The following ATP2C2 variants were observed in gnomAD, a reference collection of about 807,000 sequenced individuals.
ATP2C2 encodes the protein calcium-transporting ATPase type 2C member 2.
A neutral mutation model predicts 110.8 loss-of-function variants in ATP2C2; 171 were observed. The observed-to-expected ratio is 1.54, with a 90% CI of 1.36 to 1.75. The LOEUF (loss-of-function observed/expected upper bound fraction) is 1.75. ATP2C2 is among the 40% of genes most tolerant of loss of function. The probability of loss-of-function intolerance (pLI) is 0.00; values close to 1 mark genes in which losing one functional copy is unlikely to be tolerated. For synonymous variants in ATP2C2, 804 were observed against 508.4 expected, an observed-to-expected ratio of 1.58 and a Z score of -7.82; for missense variants, 1,963 against 1,235.0, an observed-to-expected ratio of 1.59 and a Z score of -8.84.
intron 16 of ATP2C2, among the ~76,000 whole-genome samples, chr16:84,446,786 A>T (rs1909790872): frequency 6.6e-6 from 1 of 152,112 alleles, no homozygotes; most frequent in South Asian, 2.1e-4. Flanking sequence ...TGCAGGTGCA[A>T]ATGTTGAGAT....
chr16:84,407,781 T>C (rs761704285), intron 3 of ATP2C2, among the ~76,000 whole-genome samples: 10 of 152,218 alleles, frequency 6.6e-5, no homozygotes, highest in East Asian at 3.9e-4. Context: ...CTTGTTGATA[T>C]TGTAACTCTC....
In ATP2C2 at chr16:84,411,387, G is replaced by A. The variant is rs977819953; in HGVS notation, c.515+622G>A. Among the ~76,000 whole-genome samples, 11 of 152,208 alleles carry A rather than the reference G, an allele frequency of 7.2e-5. 1 individual carries two copies. The highest frequency in any genetic ancestry group is 5.2e-4 in the Admixed American group (8 of 15,282). On this transcript the variant is annotated intron_variant, in intron 6 of 26. Coordinates refer to ENST00000262429, the MANE Select transcript of ATP2C2 (RefSeq NM_014861.4). ...AGCGTAGCCCTGTGTGATAGAACTT[G>A]CAGGAAATGTTCTATTAATATCATC... is the stretch of plus-strand genomic sequence containing the variant.
At chr16:84,420,133 G>A (rs1270342895) in intron 7 of ATP2C2, among the ~76,000 whole-genome samples, 4 of 152,026 alleles carry the variant, frequency 2.6e-5, no homozygotes, top group Non-Finnish European at 5.9e-5. Context: ...CTCCTCCCAG[G>A]CCTTTCCCCA....
At chr16:84,408,108 C>T (rs189218017) in intron 3 of ATP2C2, among the ~76,000 whole-genome samples, 118 of 152,262 alleles carry the variant, frequency 7.7e-4, no homozygotes, top group Admixed American at 1.4e-3. Flanking sequence ...TGCCGAAAGT[C>T]CCGGCCTGGA....
chr16:84,427,222 A>T (rs952846058), intron 11 of ATP2C2, among the ~76,000 whole-genome samples: 6 of 152,196 alleles, frequency 3.9e-5, no homozygotes, highest in Admixed American at 1.3e-4. Context: ...TTAATACATC[A>T]AACCCATGAT....
chr16:84,421,805 G>A (rs2150544012), intron 7 of ATP2C2, among the ~76,000 whole-genome samples: 1 of 152,334 alleles, frequency 6.6e-6, no homozygotes, highest in South Asian at 2.1e-4. Flanking sequence ...GGGGAAGATA[G>A]TAGAGTCTTC....
At chr16:84,375,046 T>C (rs1222708529) in intron 1 of ATP2C2, among the ~76,000 whole-genome samples, 1 of 152,198 alleles carries the variant, frequency 6.6e-6, no homozygotes, top group Non-Finnish European at 1.5e-5. Context: ...ACTTGTCTCA[T>C]ATCAGATACA....
intron 7 of ATP2C2, 130 bp downstream of exon 7, chr16:84,415,721 A>C: frequency 1.4e-6 from 1 of 691,914 alleles, no homozygotes; most frequent in South Asian, 1.9e-5. Context: ...ACATGCATAC[A>C]CACAAGACAG....
rs571639618 is a variant in ATP2C2, at chr16:84,415,948, C to T, written c.624+357C>T. Among the ~76,000 whole-genome samples the T allele has an allele frequency of 3.9e-5, 6 of 152,252 alleles. No homozygotes were observed. The South Asian group carries it at 8.3e-4, about 21-fold the overall frequency. The stretch of plus-strand genomic sequence containing the variant: ...TGTTAGAAAGAAGTGATATTAGAGG[C>T]GGGTGGATCACTTAAGGTCAGGAGT... On this transcript the variant is annotated intron_variant, in intron 7 of 26. Transcript: ENST00000262429.
intron 23 of ATP2C2, chr16:84,459,820 C>T: frequency 2.1e-6 from 1 of 467,684 alleles, no homozygotes. Flanking sequence ...CCCTTTAGAA[C>T]ATCAGTTTCA....
chr16:84,381,086 GC>G (rs1910554037), intron 1 of ATP2C2, among the ~76,000 whole-genome samples: 1 of 152,198 alleles, frequency 6.6e-6, no homozygotes, highest in African/African-American at 2.4e-5. Flanking sequence ...GTGCAGGCGG[GC>G]TGAGTCCGAA....
rs1040743102 is a variant in ATP2C2, at chr16:84,460,204, C to T, written c.2334-450C>T. 8.8e-5 allele frequency: 19 copies of T among 216,126 alleles called. No individual in the cohort carries two copies. The East Asian group carries it at 2.1e-3, about 24-fold the overall frequency. 13.4% of individuals were successfully genotyped at this position (216,126 alleles called of 1,614,324 possible). A position where few individuals can be genotyped will look rare whatever the true frequency, so the allele number is the denominator to read the frequency against. On this transcript the variant is annotated intron_variant, in intron 23 of 26. Coordinates refer to ENST00000262429, the MANE Select transcript of ATP2C2 (RefSeq NM_014861.4). ...CAGCTGTGTCTGAGCGGCAGGGCCT[C>T]ACCCGGCCACTCCCACCATACCGCC... is the stretch of plus-strand genomic sequence containing the variant.
intron 11 of ATP2C2, chr16:84,426,014 AGGGT>A: frequency 1.7e-6 from 1 of 584,532 alleles, no homozygotes. Flanking sequence ...CAAATGATCC[AGGGT>A]GTCCCTTTTG....
chr16:84,451,961 G>GT lies in ATP2C2; in HGVS notation c.1704dup (p.Leu569SerfsTer8). ...CTGGGCCCGAGCTGGGGCGGCTGACGTTTCTCGGTCTTGTGGGCATCATTG... is the reference window on the plus strand; with the variant it reads ...CTGGGCCCGAGCTGGGGCGGCTGACGTTTTCTCGGTCTTGTGGGCATCATTG... On this transcript the variant is annotated frameshift_variant, in exon 18 of 27. Coordinates refer to ENST00000262429, the MANE Select transcript of ATP2C2 (RefSeq NM_014861.4). LOFTEE classifies it high-confidence loss of function. The GT allele has an allele frequency of 6.2e-7, 1 of 1,614,054 alleles. No homozygotes were observed. Among genetic ancestry groups the GT allele is most frequent in the South Asian group, 1.1e-5 (1 of 91,042 alleles).
At chr16:84,393,024 T>G (rs530941389) in intron 1 of ATP2C2, among the ~76,000 whole-genome samples, 1 of 152,088 alleles carries the variant, frequency 6.6e-6, no homozygotes, top group Non-Finnish European at 1.5e-5. Flanking sequence ...AGTTTTTGAG[T>G]GCCTCAGCTT....
At chr16:84,439,618 A>G in intron 13 of ATP2C2, 94 bp downstream of exon 13, 1 of 1,207,864 alleles carries the variant, frequency 8.3e-7, no homozygotes, top group South Asian at 1.2e-5. Flanking sequence ...AGAACACAAT[A>G]AGGAAGAAAT....
chr16:84,429,904 G>A (rs1383849849), intron 11 of ATP2C2, among the ~76,000 whole-genome samples: 1 of 152,126 alleles, frequency 6.6e-6, no homozygotes, highest in East Asian at 1.9e-4. Flanking sequence ...GAAGACCCTA[G>A]GGGGAGAATC....
chr16:84,429,072 G>A (rs1042231587), intron 11 of ATP2C2, among the ~76,000 whole-genome samples: 1 of 152,156 alleles, frequency 6.6e-6, no homozygotes, highest in African/African-American at 2.4e-5. Flanking sequence ...ATGTAGGATG[G>A]TCTTGATCTC....
chr16:84,430,198 C>T (rs1329229731), intron 11 of ATP2C2, among the ~76,000 whole-genome samples: 1 of 152,160 alleles, frequency 6.6e-6, no homozygotes, highest in African/African-American at 2.4e-5. Context: ...AACCCCTTAG[C>T]AGCAGGCACT....
Sources: gnomAD v4.1 joint callset for allele counts (sites outside exome capture counted in the v4.1 genomes callset) on GRCh38, gnomAD v4.1.1 for gene constraint, MANE v1.5 for transcripts, NCBI Gene and HGNC (gene_info 2026-07-23, HGNC 2026-07-21) for gene names.